Variants in ADGRL2 observed in about 807,000 individuals in gnomAD.
ADGRL2 encodes calcium-independent alpha-latrotoxin receptor 2.
A neutral mutation model predicts 157.4 loss-of-function variants in ADGRL2; 44 were observed. That is an observed-to-expected ratio of 0.28 (90% CI 0.22 to 0.36). The LOEUF is 0.36. Ranked by LOEUF, ADGRL2 falls within the 10% of genes least tolerant of loss-of-function variation. ADGRL2 has a pLI of 1.00. For synonymous variants in ADGRL2, 585 were observed against 624.7 expected, an observed-to-expected ratio of 0.94 and a Z score of 0.95; for missense variants, 1,510 against 1,768.9, an observed-to-expected ratio of 0.85 and a Z score of 2.63.
intron 3 of ADGRL2, among the ~76,000 whole-genome samples, chr1:81,633,808 G>A (rs895050576): frequency 4.0e-5 from 6 of 151,820 alleles, no homozygotes; most frequent in Non-Finnish European, 5.9e-5. Context: ...ACTTTCACCC[G>A]CACTACTGCT....
At chr1:81,948,866 T>C (rs1650822220) in intron 6 of ADGRL2, among the ~76,000 whole-genome samples, 1 of 152,190 alleles carries the variant, frequency 6.6e-6, no homozygotes, top group Non-Finnish European at 1.5e-5. Flanking sequence ...ATAGTGTACT[T>C]ACTGGTAACA....
intron 3 of ADGRL2, among the ~76,000 whole-genome samples, chr1:81,652,384 G>A (rs569544501): frequency 6.6e-6 from 1 of 152,046 alleles, no homozygotes; most frequent in African/African-American, 2.4e-5. Context: ...CACCCTATGT[G>A]TTTGTTTCTA....
At chr1:81,830,611 G>A (rs980142022) in intron 1 of ADGRL2, among the ~76,000 whole-genome samples, 11 of 152,012 alleles carry the variant, frequency 7.2e-5, no homozygotes, top group African/African-American at 1.9e-4. Context: ...GGGTTCAAGC[G>A]ATTCTCCTGC....
Position 81,721,031 on chromosome 1 carries a change from T to C in ADGRL2, c.-143+21223T>C, listed in dbSNP as rs2084295211. Among the ~76,000 whole-genome samples, 6 of 146,422 alleles carry C rather than the reference T, an allele frequency of 4.1e-5. 1 individual carries two copies. In the South Asian group the frequency reaches 1.3e-3, roughly 32 times the overall value. ...ATAAACTATATAAAATTTAAACAAT[T>C]TCCTTTTTTTTTTTTTTTTTAATAG... is the stretch of plus-strand genomic sequence containing the variant. On this transcript the variant is annotated intron_variant, in intron 1 of 20. Transcript: ENST00000359929.
intron 1 of ADGRL2, among the ~76,000 whole-genome samples, chr1:81,362,087 A>G (rs534384814): frequency 1.6e-3 from 242 of 152,038 alleles, no homozygotes; most frequent in African/African-American, 5.5e-3. Flanking sequence ...AAGGTGCTAA[A>G]TATTAGATAG....
chr1:81,962,595 T>A (rs1655776566), intron 11 of ADGRL2, among the ~76,000 whole-genome samples: 3 of 152,176 alleles, frequency 2.0e-5, no homozygotes, highest in Admixed American at 2.0e-4. Flanking sequence ...ACATTGAGTT[T>A]ATAAGGATCT....
At chr1:81,705,389 A>G (rs1409774196) in intron 1 of ADGRL2, among the ~76,000 whole-genome samples, 1 of 152,108 alleles carries the variant, frequency 6.6e-6, no homozygotes, top group Non-Finnish European at 1.5e-5. Flanking sequence ...AAAAGCCTAC[A>G]GGTGTGCATC....
intron 3 of ADGRL2, among the ~76,000 whole-genome samples, chr1:81,918,356 A>G (rs1186515279): frequency 6.6e-6 from 1 of 152,146 alleles, no homozygotes; most frequent in Non-Finnish European, 1.5e-5. Context: ...TGGAGCCAGA[A>G]GCTAGTCTAT....
chr1:81,688,157 T>A (rs764110351), intron 3 of ADGRL2, among the ~76,000 whole-genome samples: 9 of 152,154 alleles, frequency 5.9e-5, no homozygotes, highest in Non-Finnish European at 1.3e-4. Flanking sequence ...TAGGTGAAGA[T>A]CTTTTCACAA....
intron 1 of ADGRL2, among the ~76,000 whole-genome samples, chr1:81,748,957 T>C (rs1013356777): frequency 2.6e-4 from 40 of 152,292 alleles, no homozygotes; most frequent in African/African-American, 8.7e-4. Context: ...GGTGAGCCAC[T>C]GTGCCCGGCC....
At chr1:81,729,565 A>G (rs2084651953) in intron 1 of ADGRL2, among the ~76,000 whole-genome samples, 1 of 152,114 alleles carries the variant, frequency 6.6e-6, no homozygotes, top group Admixed American at 6.5e-5. Context: ...AATGATGTAC[A>G]TATTTTTTCC....
intron 1 of ADGRL2, among the ~76,000 whole-genome samples, chr1:81,716,871 C>T (rs1197246379): frequency 6.6e-6 from 1 of 152,140 alleles, no homozygotes; most frequent in East Asian, 1.9e-4. Context: ...GGCTCAAATG[C>T]AACTCCACTG....
chr1:81,781,448 A>C (rs1007490117), intron 2 of ADGRL2, among the ~76,000 whole-genome samples: 3 of 152,200 alleles, frequency 2.0e-5, no homozygotes. Flanking sequence ...GCTAAAAAAA[A>C]AGGTTGAAAT....
chr1:81,801,315 G>A (rs1032784267), intron 1 of ADGRL2, among the ~76,000 whole-genome samples: 1 of 152,172 alleles, frequency 6.6e-6, no homozygotes, highest in Admixed American at 6.5e-5. Context: ...CCCAACTGGC[G>A]GGGAGGGCGG....
chr1:81,654,036 C>T (rs1044638513), intron 3 of ADGRL2, among the ~76,000 whole-genome samples: 5 of 152,102 alleles, frequency 3.3e-5, no homozygotes, highest in African/African-American at 9.7e-5. Flanking sequence ...ACCTCCATCC[C>T]CCAGGTTCAA....
chr1:81,405,335 A>G (rs1036585517), intron 1 of ADGRL2, among the ~76,000 whole-genome samples: 3 of 152,202 alleles, frequency 2.0e-5, no homozygotes, highest in Non-Finnish European at 4.4e-5. Flanking sequence ...GTACTGCCAC[A>G]TATTCAGAGA....
At chr1:81,799,807 G>A (rs2087794527), upstream of ADGRL2, among the ~76,000 whole-genome samples, 1 of 151,990 alleles carries the variant, frequency 6.6e-6, no homozygotes, top group African/African-American at 2.4e-5. Context: ...TTATTTAATT[G>A]ATGGCTGCAT....
intron 2 of ADGRL2, among the ~76,000 whole-genome samples, chr1:81,490,162 G>A (rs1019067951): frequency 1.0e-4 from 14 of 136,686 alleles, no homozygotes; most frequent in Non-Finnish European, 1.4e-4. Flanking sequence ...ACAGAGTTTC[G>A]CTCTTGTTGC....
chr1:81,895,650 C>T (rs2094370423), intron 2 of ADGRL2, among the ~76,000 whole-genome samples: 1 of 152,020 alleles, frequency 6.6e-6, no homozygotes, highest in Non-Finnish European at 1.5e-5. Context: ...CTGCCTCGGC[C>T]TCCCAAAGTG....
Sources: gnomAD v4.1 joint callset for allele counts (sites outside exome capture counted in the v4.1 genomes callset) on GRCh38, gnomAD v4.1.1 for gene constraint, MANE v1.5 for transcripts, NCBI Gene and HGNC (gene_info 2026-07-23, HGNC 2026-07-21) for gene names.